Variants in MACROD2 observed in about 807,000 individuals in gnomAD.
The protein encoded by MACROD2 is mono-ADP ribosylhydrolase 2.
MACROD2 carries 36 observed loss-of-function variants against 70.4 expected under a neutral mutation model. That is an observed-to-expected ratio of 0.51 (90% CI 0.39 to 0.68). The LOEUF (loss-of-function observed/expected upper bound fraction) is 0.68, where lower values mean the gene tolerates loss of function less well. Among genes scored for constraint, MACROD2 ranks in the 30% least tolerant of loss-of-function variants. The pLI is 0.00. For missense variants in MACROD2, 496 were observed against 538.4 expected, an observed-to-expected ratio of 0.92 and a Z score of 0.78; for synonymous variants, 172 against 178.8, an observed-to-expected ratio of 0.96 and a Z score of 0.30.
At chr20:14,329,432 A>G (rs1011132042) in intron 3 of MACROD2, 1 of 152,086 alleles carries the variant, frequency 6.6e-6, no homozygotes, top group Non-Finnish European at 1.5e-5. Context: ...CACATCTTTC[A>G]TCATAGTGGT....
At chr20:15,019,976 A>T (rs1203397457) in intron 5 of MACROD2, among the ~76,000 whole-genome samples, 1 of 152,190 alleles carries the variant, frequency 6.6e-6, no homozygotes, top group Non-Finnish European at 1.5e-5. Flanking sequence ...AAAAGGATGA[A>T]ATCATTTTTG....
chr20:15,644,130 G>A (rs2049504834), intron 8 of MACROD2, among the ~76,000 whole-genome samples: 1 of 151,944 alleles, frequency 6.6e-6, no homozygotes, highest in Non-Finnish European at 1.5e-5. Flanking sequence ...TCCTAAGAAG[G>A]AAAGGAACCA....
chr20:14,089,358 C>T (rs2054119729), intron 3 of MACROD2, among the ~76,000 whole-genome samples: 1 of 152,118 alleles, frequency 6.6e-6, no homozygotes, highest in South Asian at 2.1e-4. Flanking sequence ...TGGCAGGAAA[C>T]TATAGAGCTG....
At chr20:15,710,331 G>C (rs1173849664) in intron 8 of MACROD2, among the ~76,000 whole-genome samples, 4 of 152,060 alleles carry the variant, frequency 2.6e-5, no homozygotes, top group African/African-American at 7.2e-5. Context: ...AGTCTAGATG[G>C]CTCTTTGACT....
chr20:15,356,756 C>T (rs1047722102), intron 6 of MACROD2, among the ~76,000 whole-genome samples: 2 of 152,056 alleles, frequency 1.3e-5, no homozygotes, highest in African/African-American at 4.8e-5. Flanking sequence ...TGCACTCCAA[C>T]CTGGGCCAAA....
At chr20:15,750,292 C>T (rs1325013262) in intron 8 of MACROD2, among the ~76,000 whole-genome samples, 2 of 151,918 alleles carry the variant, frequency 1.3e-5, no homozygotes, top group Admixed American at 1.3e-4. Context: ...TCTAAACCAC[C>T]ATCAGATACC....
At chr20:16,018,021 AGAT>A (rs1427552262) in intron 15 of MACROD2, among the ~76,000 whole-genome samples, 1 of 151,850 alleles carries the variant, frequency 6.6e-6, no homozygotes, top group African/African-American at 2.4e-5. Flanking sequence ...GGTATTCCAT[AGAT>A]GTTTGCTGAA....
chr20:15,428,900 A>T (rs567512876), intron 6 of MACROD2, among the ~76,000 whole-genome samples: 3 of 149,902 alleles, frequency 2.0e-5, no homozygotes, highest in Non-Finnish European at 3.0e-5. Flanking sequence ...GTTGTCAAAC[A>T]TTTTTTTTTT....
At chr20:14,762,812 C>A (rs1173771518) in intron 5 of MACROD2, among the ~76,000 whole-genome samples, 1 of 151,964 alleles carries the variant, frequency 6.6e-6, no homozygotes, top group Non-Finnish European at 1.5e-5. Context: ...CATCTGTAGT[C>A]CCAGCTACTG....
chr20:14,376,987 G>A (rs1252369030), intron 3 of MACROD2, among the ~76,000 whole-genome samples: 13 of 151,976 alleles, frequency 8.6e-5, no homozygotes, highest in African/African-American at 3.1e-4. Flanking sequence ...ATAACTTCCA[G>A]CCTAATCCCT....
At chr20:14,559,574 G>A (rs547802950) in intron 4 of MACROD2, among the ~76,000 whole-genome samples, 3 of 151,800 alleles carry the variant, frequency 2.0e-5, no homozygotes, top group East Asian at 3.9e-4. Context: ...ATGTCAGCAC[G>A]TTTACACTTT....
chr20:15,475,927 A>T (rs2146443362), intron 7 of MACROD2, among the ~76,000 whole-genome samples: 1 of 152,346 alleles, frequency 6.6e-6, no homozygotes, highest in Middle Eastern at 3.4e-3. Flanking sequence ...AGGAGAAGAA[A>T]ATGTTCTTCG....
chr20:14,078,408 TTTTG>T (rs1281459939), intron 2 of MACROD2, among the ~76,000 whole-genome samples: 44 of 152,250 alleles, frequency 2.9e-4, no homozygotes, highest in Admixed American at 6.5e-4. Context: ...TGAATTCTTT[TTTTG>T]TTTGTTTGTT....
intron 10 of MACROD2, among the ~76,000 whole-genome samples, chr20:15,899,467 A>C (rs1288498191): frequency 1.3e-5 from 2 of 152,198 alleles, no homozygotes; most frequent in African/African-American, 4.8e-5. Flanking sequence ...GCACTTTCTA[A>C]ATTTATGTGT....
chr20:15,667,277 G>A (rs569653733), intron 8 of MACROD2, among the ~76,000 whole-genome samples: 5 of 152,224 alleles, frequency 3.3e-5, no homozygotes, highest in African/African-American at 4.8e-5. Context: ...TCCATATGAT[G>A]TGCACGCTCC....
intron 10 of MACROD2, among the ~76,000 whole-genome samples, chr20:15,914,525 TG>T (rs764765989): frequency 1.3e-5 from 2 of 152,166 alleles, no homozygotes; most frequent in Non-Finnish European, 2.9e-5. Context: ...TTTCAGTATT[TG>T]GGGTGAGGAT....
intron 6 of MACROD2, among the ~76,000 whole-genome samples, chr20:15,307,978 T>C (rs1380266107): frequency 6.6e-6 from 1 of 152,074 alleles, no homozygotes; most frequent in Non-Finnish European, 1.5e-5. Flanking sequence ...TAGACTCAGG[T>C]TATGCATTTT....
At chr20:15,453,372 T>C (rs1243315467) in intron 7 of MACROD2, among the ~76,000 whole-genome samples, 1 of 152,176 alleles carries the variant, frequency 6.6e-6, no homozygotes, top group Admixed American at 6.6e-5. Flanking sequence ...GATGTGATCT[T>C]ACCAGAAAAT....
chr20:15,925,107 T>A (rs1199618148), intron 10 of MACROD2, among the ~76,000 whole-genome samples: 1 of 152,234 alleles, frequency 6.6e-6, no homozygotes, highest in Non-Finnish European at 1.5e-5. Context: ...TATGTGCATA[T>A]CTGAGAACTG....
Sources: allele counts gnomAD v4.1 joint callset (sites outside exome capture counted in the v4.1 genomes callset), GRCh38; gene constraint gnomAD v4.1.1; transcripts MANE v1.5; gene names NCBI Gene and HGNC (gene_info 2026-07-23, HGNC 2026-07-21).